BRF1: variants seen among roughly 807,000 people sequenced by gnomAD.
The protein encoded by BRF1 is BRF1 general transcription factor IIIB subunit.
BRF1 carries 59 observed loss-of-function variants against 81.7 expected under a neutral mutation model. The ratio of observed to expected loss-of-function variants is 0.72; its 90% CI spans 0.59 to 0.90. The LOEUF (loss-of-function observed/expected upper bound fraction) is 0.90, where lower values mean the gene tolerates loss of function less well. Among genes scored for constraint, BRF1 ranks in the 40% least tolerant of loss-of-function variants. The pLI, the probability that BRF1 is intolerant of heterozygous loss-of-function variation, is 0.00. For synonymous variants in BRF1, 491 were observed against 395.6 expected (o/e 1.24, Z -2.86); for missense variants, 1,050 against 936.3 (o/e 1.12, Z -1.58).
At position 105,211,503 on chromosome 14, in the gene BRF1, C is replaced by G. The variant is rs1595226483; in HGVS notation, c.1825-210G>C. On this transcript the variant is annotated intron_variant, in intron 16 of 17. Transcript: ENST00000547530. Reference sequence around the variant, plus strand: ...GCTGTGTCAGCATCAAGATCCCACCCTCAGGCCTCTGCCAGCCCCTGCTCC... The same window carrying G: ...GCTGTGTCAGCATCAAGATCCCACCGTCAGGCCTCTGCCAGCCCCTGCTCC... 5 of 561,742 alleles carry G rather than the reference C, an allele frequency of 8.9e-6. No homozygotes were observed. In the East Asian group the frequency reaches 1.6e-4, roughly 17 times the overall value. 34.8% of individuals were successfully genotyped at this position (561,742 alleles called of 1,614,324 possible). A position where few individuals can be genotyped will look rare whatever the true frequency, so the allele number is the denominator to read the frequency against.
Position 105,215,804 on chromosome 14 carries a change from C to T in BRF1, c.1772+1740G>A, listed in dbSNP as rs371366923. ...CACACACACACATGCACACACACTG[C>T]ATACACAGGCACACACACATGCACA... is the stretch of plus-strand genomic sequence containing the variant. On this transcript the variant is annotated intron_variant, in intron 15 of 17. Coordinates refer to ENST00000547530, the MANE Select transcript of BRF1 (RefSeq NM_001519.4). Among the ~76,000 whole-genome samples the T allele has an allele frequency of 1.2e-4, 17 of 137,698 alleles. No homozygotes were observed. The South Asian group carries it at 2.6e-3, about 21-fold the overall frequency. The allele number at this position is 137,698 out of a possible 152,430, so 90.3% of individuals were successfully genotyped here. A position where few individuals can be genotyped will look rare whatever the true frequency, so the allele number is the denominator to read the frequency against.
Position 105,241,271 on chromosome 14 carries a change from C to T in BRF1, c.688G>A (p.Gly230Arg), listed in dbSNP as rs780380442. The change falls in exon 6 of 18, where the codon GGA (glycine) becomes AGA (arginine). Residue 230 changes from glycine (G) to arginine (R), a missense_variant. Gly to Arg is a moderately radical substitution (Grantham distance 125). Around this residue, in one of 2 missense-constraint regions of BRF1, gnomAD observed 1,043 missense variants for 915.4 expected, o/e 1.14. Coordinates refer to ENST00000547530, the MANE Select transcript of BRF1 (RefSeq NM_001519.4). ...HTGRRPSGLC[G>R]AALLVAARMH... ...CAGGCAGGGCCCGCTGTACCTGCTC[C>T]GCAGAGGCCCGAGGGGCGCCGGCCT... 5.0e-6 allele frequency: 8 copies of T among 1,611,582 alleles called. No individual in the cohort carries two copies. Among genetic ancestry groups the T allele is most frequent in the Admixed American group, 1.7e-5 (1 of 60,010 alleles).
At position 105,248,839 on chromosome 14, in the gene BRF1, C is replaced by T. The variant is rs1458686187; in HGVS notation, c.544+3668G>A. 5 of 989,906 alleles carry T rather than the reference C, an allele frequency of 5.1e-6. No individual in the cohort carries two copies. In the African/African-American group the frequency reaches 5.3e-5, roughly 10 times the overall value. The allele number at this position is 989,906 out of a possible 1,614,324, so 61.3% of individuals were successfully genotyped here. On this transcript the variant is annotated intron_variant, in intron 5 of 17. Coordinates refer to ENST00000547530, the MANE Select transcript of BRF1 (RefSeq NM_001519.4). Reference sequence around the variant, plus strand: ...GCGCGGGGCGCGGCGTCCACAGGCGCCGAGGCTGCCCCCGCCGCCCCGCCC... The same window carrying T: ...GCGCGGGGCGCGGCGTCCACAGGCGTCGAGGCTGCCCCCGCCGCCCCGCCC...
At chr14:105,306,824 T>C (rs1009787706) in intron 1 of BRF1, among the ~76,000 whole-genome samples, 3 of 152,126 alleles carry the variant, frequency 2.0e-5, no homozygotes, top group Admixed American at 6.5e-5. Context: ...CAGGCTCGTC[T>C]TGAATTCCTG....
rs1193523778 is a variant in BRF1, at chr14:105,221,744, C to T, written c.1219G>A (p.Ala407Thr). 8 of 1,610,572 alleles carry T rather than the reference C, an allele frequency of 5.0e-6. No homozygotes were observed. In the African/African-American group the frequency reaches 8.0e-5, roughly 16 times the overall value. The change falls in exon 11 of 18, where the codon GCC (alanine) becomes ACC (threonine). Residue 407 changes from alanine to threonine, a missense_variant. This residue lies in a region of BRF1 where 1,043 missense variants were observed against 915.4 expected (regional missense o/e 1.14). Coordinates refer to ENST00000547530, the MANE Select transcript of BRF1 (RefSeq NM_001519.4). ...AGGGGGTCCAGCAGGGACCCCAGGG[C>T]CGGAGGTCTGCCGCCCCACTCGGGG... Reference protein sequence around the residue: ...GSPEWGGRPPALGSLLDPLPT... With the variant: ...GSPEWGGRPPTLGSLLDPLPT...
intron 12 of BRF1, 114 bp downstream of exon 12, chr14:105,219,953 AGC>A: frequency 6.3e-6 from 7 of 1,112,872 alleles, no homozygotes; most frequent in Non-Finnish European, 9.2e-6. Flanking sequence ...CACTTCACCC[AGC>A]GGGGTGGGCT....
At chr14:105,313,903 A>G (rs1029237344) in intron 1 of BRF1, among the ~76,000 whole-genome samples, 1 of 152,212 alleles carries the variant, frequency 6.6e-6, no homozygotes, top group East Asian at 1.9e-4. Flanking sequence ...GGCTCTAGCC[A>G]TTGCCTCCTC....
At chr14:105,211,045 A>T in intron 17 of BRF1, 77 bp downstream of exon 17, 1 of 1,546,910 alleles carries the variant, frequency 6.5e-7, no homozygotes, top group East Asian at 2.3e-5. Flanking sequence ...AACAGGCCCA[A>T]GTTCAGGGAT....
intron 16 of BRF1, chr14:105,211,873 C>T (rs894443075): frequency 6.8e-6 from 4 of 587,626 alleles, no homozygotes; most frequent in Non-Finnish European, 1.2e-5. Context: ...CAGCCTTGGC[C>T]CGAGCGCTGA....
chr14:105,226,946 CCA>C, intron 7 of BRF1, 186 bp from the exon 8 acceptor site: 4 of 683,576 alleles, frequency 5.9e-6, no homozygotes, highest in South Asian at 2.2e-5. Context: ...CTGTCTCTAC[CCA>C]AAAAAAAAAA....
In BRF1 at chr14:105,228,920, G is replaced by C; in HGVS notation, c.695-7C>G. The C allele has an allele frequency of 6.2e-7, 1 of 1,613,296 alleles. No individual in the cohort carries two copies. The highest frequency in any genetic ancestry group is 8.5e-7 in the Non-Finnish European group (1 of 1,179,938). On this transcript the variant is annotated splice_polypyrimidine_tract_variant and splice_region_variant and intron_variant, in intron 6 of 17. Transcript: ENST00000547530. ...CTGGCTGCAACCAGGAGCGCTGGAAGGCAACGAGACGGGCCTCGTCAACCA... is the reference window on the plus strand; with the variant it reads ...CTGGCTGCAACCAGGAGCGCTGGAACGCAACGAGACGGGCCTCGTCAACCA...
At chr14:105,291,383 A>C (rs1480204525) in intron 1 of BRF1, among the ~76,000 whole-genome samples, 1 of 152,208 alleles carries the variant, frequency 6.6e-6, no homozygotes, top group Non-Finnish European at 1.5e-5. Context: ...GTGCTCATTC[A>C]ACTTAACTGG....
At chr14:105,259,707 G>A (rs1595409992) in intron 3 of BRF1, among the ~76,000 whole-genome samples, 2 of 152,276 alleles carry the variant, frequency 1.3e-5, no homozygotes, top group East Asian at 3.9e-4. Context: ...CCAGGAGTTT[G>A]AGACCAGCCT....
chr14:105,270,171 G>A (rs1407929110), intron 3 of BRF1, among the ~76,000 whole-genome samples: 1 of 107,888 alleles, frequency 9.3e-6, no homozygotes, highest in Non-Finnish European at 1.7e-5. Flanking sequence ...AATGTTGAAA[G>A]GACTTTTTTT....
intron 5 of BRF1, among the ~76,000 whole-genome samples, chr14:105,244,338 G>A (rs2054926799): frequency 6.6e-6 from 1 of 152,168 alleles, no homozygotes; most frequent in Admixed American, 6.6e-5. Context: ...CAGCTACTTG[G>A]GAGGCTGAGG....
chr14:105,209,950 C>T lies in BRF1; in HGVS notation c.*601G>A, dbSNP rs115807156. ...GAGGCAGGGGTGGGGGTGTCTGCCT[C>T]GGACGAGGCAGGTATCTGGATGCAG... On this transcript the variant is annotated 3_prime_UTR_variant, in exon 18 of 18. Coordinates refer to ENST00000547530, the MANE Select transcript of BRF1 (RefSeq NM_001519.4). 3,291 of 332,552 alleles carry T rather than the reference C, an allele frequency of 9.9e-3. 104 individuals carry two copies. Among genetic ancestry groups the T allele is most frequent in the African/African-American group, 0.065 (3,057 of 47,002 alleles). 20.6% of individuals were successfully genotyped at this position (332,552 alleles called of 1,614,324 possible).
Position 105,220,017 on chromosome 14 carries a change from T to A in BRF1, c.1377+52A>T, listed in dbSNP as rs372493368. ...CCCGACCACTCAGGGCTCCTTGGGC[T>A]GCAGCGCCCTCCCAAGCCCAGCCCC... On this transcript the variant is annotated intron_variant, in intron 12 of 17. Transcript: ENST00000547530. 81 of 1,601,028 alleles carry A rather than the reference T, an allele frequency of 5.1e-5. No homozygotes were observed. In the African/African-American group the frequency reaches 1.0e-3, roughly 21 times the overall value.
chr14:105,278,540 G>A lies in BRF1; in HGVS notation c.266-5646C>T, dbSNP rs75724033. 3.4e-4 allele frequency among the ~76,000 whole-genome samples: 52 copies of A among 152,182 alleles called. 1 individual carries two copies. Among genetic ancestry groups the A allele is most frequent in the East Asian group, 3.3e-3 (17 of 5,176 alleles). On this transcript the variant is annotated intron_variant, in intron 2 of 17. Coordinates refer to ENST00000547530, the MANE Select transcript of BRF1 (RefSeq NM_001519.4). ...AAGAGTATCTTCAGACCTTGGAGTA[G>A]ATAAGAATTTCTTGAACAAGTCACA...
chr14:105,281,327 T>G (rs1407986737), intron 2 of BRF1, among the ~76,000 whole-genome samples: 1 of 140,268 alleles, frequency 7.1e-6, no homozygotes, highest in Non-Finnish European at 1.5e-5. Flanking sequence ...GGATACAGCC[T>G]GCGTGATCCT....
Sources: allele counts gnomAD v4.1 joint callset (sites outside exome capture counted in the v4.1 genomes callset), GRCh38; gene constraint gnomAD v4.1.1; regional missense constraint gnomAD v4.1.1; transcripts MANE v1.5; gene names NCBI Gene and HGNC (gene_info 2026-07-23, HGNC 2026-07-21).